The following ARK2C variants were observed in gnomAD, a reference collection of about 807,000 sequenced individuals.
The protein encoded by ARK2C is arkadia (RNF111) C-terminal like ring finger ubiquitin ligase 2C, also known as E3 ubiquitin-protein ligase ARK2C.
the ARK2C span, among the ~76,000 whole-genome samples, chr18:46,420,226 T>G: frequency 1.3e-5 from 2 of 152,122 alleles, no homozygotes; most frequent in Non-Finnish European, 2.9e-5. Flanking sequence ...TGGTCCAAGC[T>G]CTTCTTCTAA....
chr18:46,396,883 C>T, the ARK2C span, among the ~76,000 whole-genome samples: 62 of 152,320 alleles, frequency 4.1e-4, no homozygotes, highest in African/African-American at 1.3e-3. Context: ...GTGGATTTTC[C>T]GCTAATTGTC....
chr18:46,394,247 G>A, the ARK2C span, among the ~76,000 whole-genome samples: 1 of 152,234 alleles, frequency 6.6e-6, no homozygotes, highest in Non-Finnish European at 1.5e-5. Context: ...CCATGGCAGA[G>A]GAATCCTTCT....
At chr18:46,373,738 G>T in the ARK2C span, among the ~76,000 whole-genome samples, 1 of 152,212 alleles carries the variant, frequency 6.6e-6, no homozygotes, top group East Asian at 1.9e-4. Context: ...CTCTGCAGGT[G>T]TGGGGGGAAT....
the ARK2C span, among the ~76,000 whole-genome samples, chr18:46,432,406 G>A: frequency 6.6e-6 from 1 of 152,014 alleles, no homozygotes; most frequent in Non-Finnish European, 1.5e-5. Context: ...CCTTAAAAGT[G>A]TATGCAAAAC....
chr18:46,394,103 C>T, the ARK2C span, among the ~76,000 whole-genome samples: 10 of 152,176 alleles, frequency 6.6e-5, no homozygotes, highest in Non-Finnish European at 1.5e-5. Flanking sequence ...CTCTAATTTC[C>T]TCCCTCAAGA....
chr18:46,450,145 A>G, the ARK2C span: 1 of 637,378 alleles, frequency 1.6e-6, no homozygotes. Context: ...GTTCTTGATG[A>G]AAGAAAAGGG....
chr18:46,370,289 G>C, the ARK2C span, among the ~76,000 whole-genome samples: 1 of 152,208 alleles, frequency 6.6e-6, no homozygotes. Flanking sequence ...CCATTTTACA[G>C]ATGAGAAAAC....
chr18:46,448,411 G>A, the ARK2C span, among the ~76,000 whole-genome samples: 2 of 152,196 alleles, frequency 1.3e-5, no homozygotes, highest in Non-Finnish European at 2.9e-5. Flanking sequence ...TCTGCTGAGG[G>A]GAGTAGGAGT....
At chr18:46,388,541 A>G in the ARK2C span, among the ~76,000 whole-genome samples, 1 of 152,134 alleles carries the variant, frequency 6.6e-6, no homozygotes, top group Non-Finnish European at 1.5e-5. Context: ...CACCTTGGCC[A>G]TGATCAAGGG....
the ARK2C span, among the ~76,000 whole-genome samples, chr18:46,438,360 A>G: frequency 2.0e-5 from 3 of 152,190 alleles, no homozygotes; most frequent in Admixed American, 6.5e-5. Context: ...GGTAGCCCAG[A>G]TCCATCATGA....
chr18:46,447,093 G>A, the ARK2C span, among the ~76,000 whole-genome samples: 1 of 152,154 alleles, frequency 6.6e-6, no homozygotes, highest in South Asian at 2.1e-4. Flanking sequence ...TTAGGAGTGG[G>A]TTGCGGTGGG....
At chr18:46,419,019 C>T in the ARK2C span, among the ~76,000 whole-genome samples, 2 of 152,230 alleles carry the variant, frequency 1.3e-5, no homozygotes, top group African/African-American at 2.4e-5. Flanking sequence ...CAATGATTCC[C>T]TCCTGGAGAA....
At chr18:46,339,752 C>A in the ARK2C span, among the ~76,000 whole-genome samples, 3 of 152,332 alleles carry the variant, frequency 2.0e-5, no homozygotes, top group African/African-American at 7.2e-5. Flanking sequence ...TAATAATTTT[C>A]CGCAAACCAG....
the ARK2C span, among the ~76,000 whole-genome samples, chr18:46,448,112 C>T: frequency 6.7e-5 from 10 of 148,854 alleles, no homozygotes; most frequent in Admixed American, 3.3e-4. Flanking sequence ...CCCTGCGCTC[C>T]GGATTCCATA....
the ARK2C span, among the ~76,000 whole-genome samples, chr18:46,452,503 C>T: frequency 6.6e-6 from 1 of 152,126 alleles, no homozygotes; most frequent in Non-Finnish European, 1.5e-5. Context: ...TGGTCTTGAA[C>T]TCCTAATCTC....
At chr18:46,348,980 A>G in the ARK2C span, among the ~76,000 whole-genome samples, 2 of 151,058 alleles carry the variant, frequency 1.3e-5, no homozygotes, top group East Asian at 3.9e-4. Flanking sequence ...ACTTGGTTGC[A>G]TGGAGCACAG....
the ARK2C span, among the ~76,000 whole-genome samples, chr18:46,396,529 A>G: frequency 3.7e-4 from 56 of 151,688 alleles, no homozygotes; most frequent in Non-Finnish European, 7.1e-4. Flanking sequence ...CCTGGCACAC[A>G]GTAGCTTTTC....
chr18:46,453,209 T>A, the ARK2C span, among the ~76,000 whole-genome samples: 1 of 152,196 alleles, frequency 6.6e-6, no homozygotes, highest in Non-Finnish European at 1.5e-5. Flanking sequence ...AGTGTGCTAA[T>A]AGAGGAAATG....
chr18:46,415,009 C>T, the ARK2C span, among the ~76,000 whole-genome samples: 1 of 152,162 alleles, frequency 6.6e-6, no homozygotes, highest in African/African-American at 2.4e-5. Flanking sequence ...CCATCGGCTT[C>T]AGATAACATC....
Sources: gnomAD v4.1 joint callset for allele counts (sites outside exome capture counted in the v4.1 genomes callset) on GRCh38, gnomAD v4.1.1 for gene constraint, MANE v1.5 for transcripts, NCBI Gene and HGNC (gene_info 2026-07-23, HGNC 2026-07-21) for gene names.